CSMD1: variants seen among roughly 807,000 people sequenced by gnomAD.
CSMD1 encodes CUB and Sushi multiple domains 1.
In CSMD1, 213 loss-of-function variants were observed where a neutral mutation model predicts 417.5. The ratio of observed to expected loss-of-function variants is 0.51; its 90% CI spans 0.46 to 0.57. CSMD1 has a LOEUF of 0.57. Among genes scored for constraint, CSMD1 ranks in the 20% least tolerant of loss-of-function variants. CSMD1 has a pLI of 0.00. For synonymous variants in CSMD1, 2,862 were observed against 1,736.8 expected (o/e 1.65, Z -16.11); for missense variants, 6,923 against 4,529.7 (o/e 1.53, Z -15.17).
chr8:4,503,774 C>T (rs1335223571), intron 2 of CSMD1, among the ~76,000 whole-genome samples: 1 of 151,972 alleles, frequency 6.6e-6, no homozygotes, highest in Non-Finnish European at 1.5e-5. Context: ...GTCTCGGGAA[C>T]TATCAGGCAC....
intron 6 of CSMD1, among the ~76,000 whole-genome samples, chr8:3,726,783 C>T (rs1387849585): frequency 6.6e-6 from 1 of 152,128 alleles, no homozygotes; most frequent in Non-Finnish European, 1.5e-5. Flanking sequence ...AGCATGCCCT[C>T]TGATGGAAAT....
intron 5 of CSMD1, among the ~76,000 whole-genome samples, chr8:3,969,323 A>G (rs1210877936): frequency 6.6e-5 from 10 of 152,166 alleles, no homozygotes; most frequent in Admixed American, 6.5e-4. Flanking sequence ...TCCCAGGCCC[A>G]TGCTCTCGCT....
chr8:4,813,734 C>T lies in CSMD1; in HGVS notation c.86-176176G>A, dbSNP rs112615547. Reference sequence around the variant, plus strand: ...TCAAGATGGAAACAGGATAAACTACCGACATACAGACTTTAAGAAAATGCA... The same window carrying T: ...TCAAGATGGAAACAGGATAAACTACTGACATACAGACTTTAAGAAAATGCA... On this transcript the variant is annotated intron_variant, in intron 1 of 69. Coordinates refer to ENST00000635120, the MANE Select transcript of CSMD1 (RefSeq NM_033225.6). Among the ~76,000 whole-genome samples, 1,083 of 152,218 alleles carry T rather than the reference C, an allele frequency of 7.1e-3. 9 individuals are homozygous for T. The highest frequency in any genetic ancestry group is 0.025 in the African/African-American group (1,053 of 41,532).
At chr8:3,791,449 C>A (rs1043550431) in intron 5 of CSMD1, among the ~76,000 whole-genome samples, 1 of 152,224 alleles carries the variant, frequency 6.6e-6, no homozygotes, top group East Asian at 1.9e-4. Context: ...TAGCATAGTG[C>A]TGATACGTAG....
At chr8:4,503,632 G>T (rs960377911) in intron 2 of CSMD1, among the ~76,000 whole-genome samples, 1 of 152,054 alleles carries the variant, frequency 6.6e-6, no homozygotes, top group Non-Finnish European at 1.5e-5. Flanking sequence ...GATCATCACT[G>T]CAACCGAGGC....
intron 2 of CSMD1, among the ~76,000 whole-genome samples, chr8:4,500,129 C>G (rs1413945020): frequency 6.6e-6 from 1 of 151,780 alleles, no homozygotes; most frequent in African/African-American, 2.4e-5. Context: ...TACAATGTCT[C>G]TGAAGAGGAG....
chr8:4,426,938 G>A (rs759660037), intron 2 of CSMD1, among the ~76,000 whole-genome samples: 5 of 151,854 alleles, frequency 3.3e-5, no homozygotes, highest in Non-Finnish European at 7.4e-5. Flanking sequence ...AGAAATTATG[G>A]TAGAAGTATT....
chr8:3,284,334 A>C lies in CSMD1; in HGVS notation c.3963T>G (p.Ile1321Met), dbSNP rs1802978026. 1 of 1,613,352 alleles carries C rather than the reference A, an allele frequency of 6.2e-7. No individual in the cohort carries two copies. Among genetic ancestry groups the C allele is most frequent in the Admixed American group, 1.7e-5 (1 of 59,990 alleles). The change falls in exon 26 of 70, where the codon ATT becomes ATG. Residue 1321 changes from isoleucine (I) to methionine (M), a missense_variant. Physicochemically the swap from Ile to Met is conservative, Grantham distance 10. Coordinates refer to ENST00000635120, the MANE Select transcript of CSMD1 (RefSeq NM_033225.6). ...DPGKTISLHFIVFDTEMAHDI... is the reference protein window; with the variant it reads ...DPGKTISLHFMVFDTEMAHDI... ...CGTGAGCCATCTCCGTGTCGAAAAC[A>C]ATGAAATGGAGGCTGCAAGAGAGAA...
chr8:4,721,553 G>A (rs1158835433), intron 1 of CSMD1, among the ~76,000 whole-genome samples: 5 of 152,106 alleles, frequency 3.3e-5, no homozygotes, highest in African/African-American at 1.2e-4. Context: ...TCAAAACAAT[G>A]AAAGATAAAT....
chr8:3,171,600 G>A (rs1820589131), intron 37 of CSMD1, among the ~76,000 whole-genome samples: 1 of 152,088 alleles, frequency 6.6e-6, no homozygotes, highest in South Asian at 2.1e-4. Context: ...ACCTACTGTA[G>A]AACAGAGAAT....
rs1242931824 is a variant in CSMD1, at chr8:3,259,900, C to A, written c.4153+24244G>T. 3.9e-5 allele frequency among the ~76,000 whole-genome samples: 6 copies of A among 152,108 alleles called. No individual in the cohort carries two copies. In the East Asian group the frequency reaches 1.2e-3, roughly 29 times the overall value. On this transcript the variant is annotated intron_variant, in intron 26 of 69. Transcript: ENST00000635120. ...ATTTATGACACATGAAATTCAAACA[C>A]ATCTCTGACCACTCATACATGCGTT...
intron 26 of CSMD1, among the ~76,000 whole-genome samples, chr8:3,275,916 T>C (rs1453242305): frequency 6.6e-6 from 1 of 152,196 alleles, no homozygotes; most frequent in Non-Finnish European, 1.5e-5. Context: ...TCTGAAGCCT[T>C]CTTCTCTCAG....
intron 10 of CSMD1, among the ~76,000 whole-genome samples, chr8:3,568,609 C>G (rs562821663): frequency 3.3e-5 from 5 of 152,140 alleles, no homozygotes; most frequent in African/African-American, 1.2e-4. Flanking sequence ...ATGTATTTAT[C>G]TTTATATGTA....
chr8:2,954,306 C>T lies in CSMD1; in HGVS notation c.9995-38G>A, dbSNP rs1394980220. ...AGACAAATTATCATTTTAAAAAAAA[C>T]ATTTATTTTTGAGTAAGTTTGAAAA... On this transcript the variant is annotated intron_variant, in intron 64 of 69. Coordinates refer to ENST00000635120, the MANE Select transcript of CSMD1 (RefSeq NM_033225.6). 2.4e-6 allele frequency: 3 copies of T among 1,254,980 alleles called. No individual in the cohort carries two copies. In the East Asian group the frequency reaches 7.7e-5, roughly 32 times the overall value. The allele number at this position is 1,254,980 out of a possible 1,614,324, so 77.7% of individuals were successfully genotyped here.
At chr8:4,754,997 G>A (rs1027519560) in intron 1 of CSMD1, among the ~76,000 whole-genome samples, 10 of 152,070 alleles carry the variant, frequency 6.6e-5, no homozygotes. Flanking sequence ...AATCAGCCGG[G>A]CATGGTGGCA....
At chr8:4,184,498 T>G (rs1418949325) in intron 3 of CSMD1, among the ~76,000 whole-genome samples, 1 of 152,132 alleles carries the variant, frequency 6.6e-6, no homozygotes, top group Non-Finnish European at 1.5e-5. Flanking sequence ...AAAGAAAATG[T>G]GGCATGTATA....
At chr8:4,024,007 G>C (rs1016374584) in intron 4 of CSMD1, among the ~76,000 whole-genome samples, 6 of 151,900 alleles carry the variant, frequency 3.9e-5, no homozygotes, top group Admixed American at 3.9e-4. Flanking sequence ...TGACATATTT[G>C]ACACTGCAAA....
chr8:3,563,385 A>G lies in CSMD1; in HGVS notation c.1344+11560T>C, dbSNP rs1275492480. Among the ~76,000 whole-genome samples, 11 of 150,098 alleles carry G rather than the reference A, an allele frequency of 7.3e-5. No individual in the cohort carries two copies. The East Asian group carries it at 1.8e-3, about 24-fold the overall frequency. The stretch of plus-strand genomic sequence containing the variant: ...TATTTAAGTACGACAAATACTAAAA[A>G]TGAGAAAAATTGTAAAAAAAAGTTC... On this transcript the variant is annotated intron_variant, in intron 10 of 69. Coordinates refer to ENST00000635120, the MANE Select transcript of CSMD1 (RefSeq NM_033225.6).
chr8:4,818,901 G>T (rs566411141), intron 1 of CSMD1, among the ~76,000 whole-genome samples: 274 of 152,258 alleles, frequency 1.8e-3, no homozygotes, highest in African/African-American at 6.2e-3. Context: ...CAGTTTAAGT[G>T]GTGAGAACAA....
Sources: allele counts gnomAD v4.1 joint callset (sites outside exome capture counted in the v4.1 genomes callset), GRCh38; gene constraint gnomAD v4.1.1; transcripts MANE v1.5; gene names NCBI Gene and HGNC (gene_info 2026-07-23, HGNC 2026-07-21).